The following PRKCA variants were observed in gnomAD, a reference collection of about 807,000 sequenced individuals.
The protein encoded by PRKCA is protein kinase C alpha type.
In PRKCA, 27 loss-of-function variants were observed where a neutral mutation model predicts 87.0. That is an observed-to-expected ratio of 0.31 (90% CI 0.23 to 0.43). The LOEUF is 0.43. PRKCA is among the 20% of genes least tolerant of loss of function. PRKCA has a pLI of 1.00. For missense variants in PRKCA, 518 were observed against 852.3 expected, an observed-to-expected ratio of 0.61 and a Z score of 4.88; for synonymous variants, 329 against 311.1, an observed-to-expected ratio of 1.06 and a Z score of -0.61.
Position 66,803,130 on chromosome 17 carries a change from G to A in PRKCA, c.1855-743G>A, listed in dbSNP as rs1019164752. 6.6e-6 allele frequency among the ~76,000 whole-genome samples: 1 copy of A among 152,164 alleles called. No homozygotes were observed. The highest frequency in any genetic ancestry group is 1.5e-5 in the Non-Finnish European group (1 of 68,028). ...AACAGTTCTGCCTGGAGTGGACCCT[G>A]GAGGAGAGGAACAGCCGAGACAGCA... On this transcript the variant is annotated intron_variant, in intron 16 of 16. Transcript: ENST00000413366. The surrounding 1 kb of genome is among the most constrained non-coding windows in gnomAD (Gnocchi z 4.4).
At chr17:66,747,467 G>A (rs1275525784) in intron 13 of PRKCA, among the ~76,000 whole-genome samples, 4 of 152,158 alleles carry the variant, frequency 2.6e-5, no homozygotes, top group Non-Finnish European at 5.9e-5. Context: ...GACATCACCC[G>A]TGATACACTG....
chr17:66,682,891 C>T (rs1024174783), intron 5 of PRKCA, among the ~76,000 whole-genome samples: 2 of 152,220 alleles, frequency 1.3e-5, no homozygotes, highest in Admixed American at 6.5e-5. Context: ...TTGGCATTCC[C>T]TCCAACTGTG....
chr17:66,697,717 G>C (rs1175259733), intron 8 of PRKCA, among the ~76,000 whole-genome samples: 1 of 152,184 alleles, frequency 6.6e-6, no homozygotes, highest in African/African-American at 2.4e-5. Flanking sequence ...CCTCTGAAGT[G>C]TTCTACAGAC....
intron 5 of PRKCA, among the ~76,000 whole-genome samples, chr17:66,662,517 C>T (rs1329279883): frequency 2.0e-5 from 3 of 152,142 alleles, no homozygotes; most frequent in Non-Finnish European, 4.4e-5. Context: ...GGCCCCCAGT[C>T]ATTTCTTTTC....
At chr17:66,584,913 C>A (rs986937661) in intron 3 of PRKCA, among the ~76,000 whole-genome samples, 1 of 152,068 alleles carries the variant, frequency 6.6e-6, no homozygotes, top group African/African-American at 2.4e-5. Context: ...GGTTCATTGC[C>A]TCATGCCAAG....
intron 3 of PRKCA, among the ~76,000 whole-genome samples, chr17:66,559,175 C>T (rs1272559427): frequency 3.9e-5 from 6 of 151,938 alleles, no homozygotes; most frequent in Non-Finnish European, 7.4e-5. Flanking sequence ...ACCTTAAAAG[C>T]CCTCCAAGCC....
At chr17:66,508,862 T>C (rs1248201181) in intron 3 of PRKCA, among the ~76,000 whole-genome samples, 1 of 152,212 alleles carries the variant, frequency 6.6e-6, no homozygotes, top group African/African-American at 2.4e-5. Context: ...GTTTTTGTTT[T>C]TTAATGTGAT....
intron 3 of PRKCA, among the ~76,000 whole-genome samples, chr17:66,622,880 ATCTACCACCAGGTCCC>A (rs1174071423): frequency 5.2e-4 from 80 of 152,382 alleles, no homozygotes; most frequent in African/African-American, 1.9e-3. Flanking sequence ...TGATTCAATC[ATCTACCACCAGGTCCC>A]TCCCACGACA....
At chr17:66,723,910 C>A (rs1973677605) in intron 8 of PRKCA, among the ~76,000 whole-genome samples, 2 of 152,108 alleles carry the variant, frequency 1.3e-5, no homozygotes, top group Non-Finnish European at 2.9e-5. Context: ...AGGGCTCTTT[C>A]CAGAGTTGCC....
At chr17:66,399,100 CTTTTT>C (rs143646957) in intron 2 of PRKCA, among the ~76,000 whole-genome samples, 2 of 117,292 alleles carry the variant, frequency 1.7e-5, no homozygotes, top group Non-Finnish European at 3.6e-5. Flanking sequence ...CTTTTCTTTT[CTTTTT>C]TTTTTTTTTT....
rs144355136 is a variant in PRKCA, at chr17:66,755,519, G to A, written c.1524+12759G>A. ...TTGCGGGCGAGACACCACTGGTGAA[G>A]TGTTTGTCTTTTCTTATGGCTTATT... On this transcript the variant is annotated intron_variant, in intron 13 of 16. Coordinates refer to ENST00000413366, the MANE Select transcript of PRKCA (RefSeq NM_002737.3). 1.8e-3 allele frequency among the ~76,000 whole-genome samples: 272 copies of A among 152,306 alleles called. 4 individuals are homozygous for A. In the East Asian group the frequency reaches 0.026, roughly 15 times the overall value.
chr17:66,676,123 G>A (rs943088371), intron 5 of PRKCA, among the ~76,000 whole-genome samples: 6 of 152,112 alleles, frequency 3.9e-5, no homozygotes, highest in African/African-American at 1.4e-4. Flanking sequence ...TGAGGGAACT[G>A]GCAGCTTCTT....
chr17:66,483,864 T>G (rs769010515), intron 2 of PRKCA, among the ~76,000 whole-genome samples: 1 of 152,134 alleles, frequency 6.6e-6, no homozygotes, highest in African/African-American at 2.4e-5. Context: ...CAGCCCTTTT[T>G]CCAAGTCAGA....
chr17:66,729,656 G>C (rs1359003935), intron 8 of PRKCA, among the ~76,000 whole-genome samples: 1 of 152,122 alleles, frequency 6.6e-6, no homozygotes, highest in Non-Finnish European at 1.5e-5. Context: ...CTTTCAGTCT[G>C]GAAGCAAAAA....
intron 2 of PRKCA, among the ~76,000 whole-genome samples, chr17:66,321,536 A>G (rs917966341): frequency 7.9e-5 from 12 of 152,178 alleles, no homozygotes; most frequent in Admixed American, 2.0e-4. Context: ...TTTTCAAATA[A>G]TTTAGCTCAC....
chr17:66,774,561 C>T, intron 14 of PRKCA: 1 of 893,228 alleles, frequency 1.1e-6, no homozygotes, highest in Non-Finnish European at 1.4e-6. Flanking sequence ...GCGGAGGCTG[C>T]AGTGAGCCAA....
chr17:66,320,510 G>C (rs1325945868), intron 2 of PRKCA, among the ~76,000 whole-genome samples: 1 of 151,996 alleles, frequency 6.6e-6, no homozygotes, highest in Admixed American at 6.6e-5. Context: ...AGTTTTACCA[G>C]GTAAATAAGG....
intron 3 of PRKCA, among the ~76,000 whole-genome samples, chr17:66,562,677 A>G (rs938234572): frequency 6.6e-6 from 1 of 151,876 alleles, no homozygotes; most frequent in Admixed American, 6.6e-5. Flanking sequence ...GCTCACTGCA[A>G]CCTCCATCTC....
At chr17:66,464,704 T>C (rs566556881) in intron 2 of PRKCA, among the ~76,000 whole-genome samples, 1 of 152,374 alleles carries the variant, frequency 6.6e-6, no homozygotes, top group African/African-American at 2.4e-5. Context: ...CCATTTTTAA[T>C]TGGGCTGTTT....
Sources: allele counts gnomAD v4.1 joint callset (sites outside exome capture counted in the v4.1 genomes callset), GRCh38; gene constraint gnomAD v4.1.1; non-coding constraint Gnocchi (gnomAD v3.1); transcripts MANE v1.5; gene names NCBI Gene and HGNC (gene_info 2026-07-23, HGNC 2026-07-21).